Variants in ANO10 observed in about 807,000 individuals in gnomAD.
The protein encoded by ANO10 is anoctamin 10.
In ANO10, 77 loss-of-function variants were observed where a neutral mutation model predicts 74.7. The observed-to-expected ratio is 1.03, with a 90% CI of 0.86 to 1.25. The LOEUF is 1.25. Among genes scored for constraint, ANO10 ranks in the 50% most tolerant of loss-of-function variants. The pLI, the probability that ANO10 is intolerant of heterozygous loss-of-function variation, is 0.00. For missense variants in ANO10, 721 were observed against 778.1 expected (o/e 0.93, Z 0.87); for synonymous variants, 279 against 284.9 (o/e 0.98, Z 0.21).
At chr3:43,487,307 T>C (rs1369436579) in intron 11 of ANO10, among the ~76,000 whole-genome samples, 1 of 152,214 alleles carries the variant, frequency 6.6e-6, no homozygotes, top group Non-Finnish European at 1.5e-5. Flanking sequence ...ATCAGAATGA[T>C]GCTGGCCTCA....
chr3:43,491,159 T>C (rs751040443), intron 11 of ANO10, among the ~76,000 whole-genome samples: 1 of 152,040 alleles, frequency 6.6e-6, no homozygotes. Flanking sequence ...CATGTGGACA[T>C]CTCACCTCAA....
Position 43,658,083 on chromosome 3 carries a change from C to T in ANO10, c.-12+33434G>A, listed in dbSNP as rs538380969. Among the ~76,000 whole-genome samples the T allele has an allele frequency of 3.3e-5, 5 of 152,298 alleles. No individual in the cohort carries two copies. In the South Asian group the frequency reaches 6.2e-4, roughly 19 times the overall value. On this transcript the variant is annotated intron_variant, in intron 1 of 3. Coordinates refer to the ANO10 transcript ENST00000413397. ...TCAGGTAAAACCCACTGCAGGAGCA[C>T]ACATCTGCTGCCATTTAAACAGTCT...
intron 12 of ANO10, among the ~76,000 whole-genome samples, chr3:43,427,586 T>C (rs956349077): frequency 6.6e-6 from 1 of 152,230 alleles, no homozygotes; most frequent in South Asian, 2.1e-4. Context: ...GGTCACTTAA[T>C]AGTGAGACTT....
At chr3:43,596,939 G>A (rs4585169) in intron 4 of ANO10, among the ~76,000 whole-genome samples, 118,274 of 152,066 alleles carry the variant, frequency 0.78, 46,533 homozygotes, top group East Asian at 0.89. Flanking sequence ...CAACCCCATC[G>A]AAAAGTGGGC....
intron 1 of ANO10, among the ~76,000 whole-genome samples, chr3:43,663,200 A>C (rs1026086698): frequency 6.6e-6 from 1 of 152,222 alleles, no homozygotes; most frequent in Non-Finnish European, 1.5e-5. Context: ...CACCATGATC[A>C]AGTGGGCTTC....
intron 1 of ANO10, chr3:43,691,150 C>A: frequency 8.8e-7 from 1 of 1,134,144 alleles, no homozygotes; most frequent in Non-Finnish European, 1.1e-6. Context: ...CTGGCGACGA[C>A]GGGCGGCTTC....
chr3:43,422,621 A>T (rs2092836358), intron 12 of ANO10, among the ~76,000 whole-genome samples: 1 of 152,152 alleles, frequency 6.6e-6, no homozygotes, highest in African/African-American at 2.4e-5. Flanking sequence ...CTCTTACCAC[A>T]TTGCTTCCAA....
intron 11 of ANO10, among the ~76,000 whole-genome samples, chr3:43,496,074 A>G (rs2076903152): frequency 6.6e-6 from 1 of 152,134 alleles, no homozygotes; most frequent in Non-Finnish European, 1.5e-5. Context: ...AGTTACCAGG[A>G]CACTTTTGGG....
intron 7 of ANO10, among the ~76,000 whole-genome samples, chr3:43,568,301 C>T (rs1217816364): frequency 4.6e-5 from 7 of 151,846 alleles, no homozygotes; most frequent in African/African-American, 1.7e-4. Context: ...ACAAGGATAC[C>T]CAGGAATTGA....
intron 1 of ANO10, among the ~76,000 whole-genome samples, chr3:43,682,104 ACACAAAAAACCCTT>A (rs1037201979): frequency 1.3e-5 from 2 of 152,324 alleles, no homozygotes; most frequent in African/African-American, 4.8e-5. Flanking sequence ...GGAAATAGAG[ACACAAAAAACCCTT>A]CAAAAAATCA....
At chr3:43,612,138 TTTTATATATATATATA>T (rs1377158484) in intron 1 of ANO10, among the ~76,000 whole-genome samples, 32 of 89,210 alleles carry the variant, frequency 3.6e-4, no homozygotes, top group African/African-American at 1.5e-3. Context: ...AAATTAAATA[TTTTATATATATATATA>T]TATATATATA....
In ANO10 at chr3:43,580,488, G is replaced by A. The variant is rs2149414226; in HGVS notation, c.473-16C>T. 1.2e-6 allele frequency: 2 copies of A among 1,612,638 alleles called. No individual in the cohort carries two copies. The highest frequency in any genetic ancestry group is 2.2e-5 in the East Asian group (1 of 44,856). The stretch of plus-strand genomic sequence containing the variant: ...AATCTTCTCACTGCACAGGGAAAAT[G>A]TGCCAAACTGCATGAAATGGACTGG... On this transcript the variant is annotated splice_polypyrimidine_tract_variant and intron_variant, in intron 4 of 12. Coordinates refer to ENST00000292246, the MANE Select transcript of ANO10 (RefSeq NM_018075.5).
intron 1 of ANO10, among the ~76,000 whole-genome samples, chr3:43,676,474 T>A (rs1180963450): frequency 6.6e-6 from 1 of 152,038 alleles, no homozygotes. Context: ...AAAATGTTTT[T>A]AAGTCATATT....
At chr3:43,683,199 A>C (rs1016521535) in intron 1 of ANO10, among the ~76,000 whole-genome samples, 1 of 152,192 alleles carries the variant, frequency 6.6e-6, no homozygotes, top group African/African-American at 2.4e-5. Context: ...CTCAGCCCAA[A>C]ATCTCCTTAA....
chr3:43,463,895 T>TG (rs1361737613), intron 11 of ANO10, among the ~76,000 whole-genome samples: 1 of 152,176 alleles, frequency 6.6e-6, no homozygotes, highest in African/African-American at 2.4e-5. Context: ...CCATGTGTTG[T>TG]GGGAGGGACC....
chr3:43,643,056 G>T (rs1212962067), intron 1 of ANO10, among the ~76,000 whole-genome samples: 20 of 150,932 alleles, frequency 1.3e-4, no homozygotes, highest in African/African-American at 4.6e-4. Flanking sequence ...TTTTGAGACG[G>T]AGTCTTGCTC....
intron 1 of ANO10, among the ~76,000 whole-genome samples, chr3:43,653,692 T>G (rs1357072991): frequency 6.6e-6 from 1 of 152,268 alleles, no homozygotes; most frequent in East Asian, 1.9e-4. Flanking sequence ...GATAAATAAA[T>G]CATCAATAAA....
chr3:43,589,285 C>G (rs1263709616), intron 4 of ANO10, among the ~76,000 whole-genome samples: 1 of 145,152 alleles, frequency 6.9e-6, no homozygotes, highest in East Asian at 1.9e-4. Flanking sequence ...TACACAAAAA[C>G]TTCTTAATAA....
chr3:43,604,262 G>A (rs191999563), intron 2 of ANO10, among the ~76,000 whole-genome samples: 1 of 152,100 alleles, frequency 6.6e-6, no homozygotes, highest in Non-Finnish European at 1.5e-5. Flanking sequence ...TTGAAACTCT[G>A]TATCATTTCT....
Sources: allele counts gnomAD v4.1 joint callset (sites outside exome capture counted in the v4.1 genomes callset), GRCh38; gene constraint gnomAD v4.1.1; transcripts MANE v1.5; gene names NCBI Gene and HGNC (gene_info 2026-07-23, HGNC 2026-07-21).